NEBL: variants seen among roughly 807,000 people sequenced by gnomAD.
The protein encoded by NEBL is LIM and SH3 protein 2.
In NEBL, 122 loss-of-function variants were observed where a neutral mutation model predicts 140.2. The observed-to-expected ratio is 0.87, with a 90% CI of 0.75 to 1.01. The LOEUF (loss-of-function observed/expected upper bound fraction) is 1.01. NEBL is among the 50% of genes least tolerant of loss of function. The pLI is 0.00. For synonymous variants in NEBL, 436 were observed against 398.9 expected (o/e 1.09, Z -1.11); for missense variants, 1,365 against 1,231.3 (o/e 1.11, Z -1.62).
chr10:20,816,736 G>A (rs190603397), intron 21 of NEBL, among the ~76,000 whole-genome samples: 4 of 152,284 alleles, frequency 2.6e-5, no homozygotes, highest in African/African-American at 4.8e-5. Flanking sequence ...AACTGCATCC[G>A]TGAATTATTT....
intron 2 of NEBL, among the ~76,000 whole-genome samples, chr10:20,893,581 G>T (rs1314843324): frequency 2.0e-5 from 3 of 152,120 alleles, no homozygotes; most frequent in Non-Finnish European, 4.4e-5. Context: ...CTGAAAAACG[G>T]ACATTTCTCT....
intron 1 of NEBL, among the ~76,000 whole-genome samples, chr10:21,263,618 C>G (rs1842765719): frequency 6.6e-6 from 1 of 152,214 alleles, no homozygotes; most frequent in Non-Finnish European, 1.5e-5. Context: ...AAATTAAACT[C>G]TAAGCTAAAT....
At chr10:20,943,643 C>T (rs1437898556) in intron 4 of NEBL, among the ~76,000 whole-genome samples, 1 of 152,048 alleles carries the variant, frequency 6.6e-6, no homozygotes, top group Non-Finnish European at 1.5e-5. Flanking sequence ...ATCCATATAG[C>T]ATAGGAAGTT....
chr10:21,099,278 T>C (rs1385780686), intron 2 of NEBL, among the ~76,000 whole-genome samples: 3 of 152,222 alleles, frequency 2.0e-5, no homozygotes, highest in African/African-American at 4.8e-5. Context: ...TTTCTTCTTC[T>C]ATAACCTCAC....
chr10:21,163,575 C>G (rs1840640847), intron 2 of NEBL, among the ~76,000 whole-genome samples: 1 of 152,202 alleles, frequency 6.6e-6, no homozygotes, highest in Non-Finnish European at 1.5e-5. Flanking sequence ...CGCTCCACAT[C>G]CCAGATCTAT....
At chr10:21,097,708 G>C (rs745662259) in intron 2 of NEBL, among the ~76,000 whole-genome samples, 5 of 152,090 alleles carry the variant, frequency 3.3e-5, no homozygotes, top group African/African-American at 9.7e-5. Flanking sequence ...GATAAGTCTC[G>C]GTCAATTTCT....
intron 3 of NEBL, among the ~76,000 whole-genome samples, chr10:21,190,230 A>C (rs1841549738): frequency 2.0e-5 from 3 of 152,218 alleles, no homozygotes; most frequent in South Asian, 4.1e-4. Context: ...CTGTAATCCC[A>C]ATGCTTTGAG....
At chr10:20,980,679 A>G (rs1178239509) in intron 3 of NEBL, among the ~76,000 whole-genome samples, 1 of 152,186 alleles carries the variant, frequency 6.6e-6, no homozygotes, top group Non-Finnish European at 1.5e-5. Context: ...CACATCTGCC[A>G]TTCCCTCCCC....
chr10:21,215,485 T>C (rs1225547189), intron 3 of NEBL, among the ~76,000 whole-genome samples: 1 of 152,158 alleles, frequency 6.6e-6, no homozygotes, highest in Admixed American at 6.5e-5. Flanking sequence ...ATGCAAAATG[T>C]AGCACAAAAG....
intron 3 of NEBL, among the ~76,000 whole-genome samples, chr10:20,969,010 T>C (rs964535108): frequency 1.3e-5 from 2 of 152,212 alleles, no homozygotes; most frequent in African/African-American, 4.8e-5. Context: ...CTTTGTTTGG[T>C]GCTAAGCAGG....
In NEBL at chr10:21,203,897, C is replaced by G. The variant is rs909436658; in HGVS notation, n.349-31420G>C. 2.6e-5 allele frequency among the ~76,000 whole-genome samples: 4 copies of G among 152,144 alleles called. No individual in the cohort carries two copies. The East Asian group carries it at 7.7e-4, about 29-fold the overall frequency. Reference sequence around the variant, plus strand: ...TATTGCCCACCCCTACCAGACCTGACTCAGAGCACAAGAAGCAGGGTCAGT... The same window carrying G: ...TATTGCCCACCCCTACCAGACCTGAGTCAGAGCACAAGAAGCAGGGTCAGT... On this transcript the variant is annotated intron_variant and non_coding_transcript_variant, in intron 3 of 8. Coordinates refer to the NEBL transcript ENST00000675702.
At chr10:21,024,146 C>T (rs996721998) in intron 2 of NEBL, among the ~76,000 whole-genome samples, 2 of 151,040 alleles carry the variant, frequency 1.3e-5, no homozygotes, top group African/African-American at 4.9e-5. Context: ...AAAGTGCAAA[C>T]TTACTAGCAT....
At chr10:21,164,657 C>A (rs1206861432) in intron 2 of NEBL, among the ~76,000 whole-genome samples, 1 of 152,034 alleles carries the variant, frequency 6.6e-6, no homozygotes, top group Non-Finnish European at 1.5e-5. Flanking sequence ...GACAGAGAAC[C>A]CAGAGTGTGG....
chr10:21,151,219 G>A (rs997511019), intron 2 of NEBL, among the ~76,000 whole-genome samples: 2 of 152,090 alleles, frequency 1.3e-5, no homozygotes, highest in Admixed American at 1.3e-4. Context: ...ATATAGCAAC[G>A]CACACCATGT....
chr10:21,041,611 G>T (rs1193636374), intron 2 of NEBL, among the ~76,000 whole-genome samples: 1 of 152,088 alleles, frequency 6.6e-6, no homozygotes. Context: ...AGGATAGTTA[G>T]ATATACAGCT....
At chr10:21,223,393 T>A (rs1419247584) in intron 3 of NEBL, among the ~76,000 whole-genome samples, 1 of 152,232 alleles carries the variant, frequency 6.6e-6, no homozygotes, top group African/African-American at 2.4e-5. Context: ...TTCTTTTCTA[T>A]GGCTGAATAG....
At chr10:21,212,396 A>G (rs1023969275) in intron 3 of NEBL, among the ~76,000 whole-genome samples, 8 of 152,194 alleles carry the variant, frequency 5.3e-5, no homozygotes, top group Non-Finnish European at 1.2e-4. Flanking sequence ...CCTTGCAAAG[A>G]TTTCGAACAC....
chr10:21,113,681 T>C (rs1016121051), intron 2 of NEBL, among the ~76,000 whole-genome samples: 7 of 152,092 alleles, frequency 4.6e-5, no homozygotes, highest in African/African-American at 1.7e-4. Context: ...TTTGTAAAAA[T>C]GGAACTCCTC....
At position 20,815,625 on chromosome 10, in the gene NEBL, C is replaced by T. The variant is rs377702958; in HGVS notation, c.2241G>A (p.Ser747=). 27 of 1,601,018 alleles carry T rather than the reference C, an allele frequency of 1.7e-5. No individual in the cohort carries two copies. The highest frequency in any genetic ancestry group is 1.7e-4 in the Middle Eastern group (1 of 6,044). ...RVKKNQENIS[S]VKYTQDHKQM... ...GTCTAAAATGAAGAAAACCACTTGC[C>T]GAGCTAATATTTTCTTGATTCTTCT... The change falls in exon 22 of 28, where the codon TCG becomes TCA. Residue 747 remains serine (S), a splice_region_variant and synonymous_variant. Coordinates refer to ENST00000377122, the MANE Select transcript of NEBL (RefSeq NM_006393.3).
Sources: allele counts gnomAD v4.1 joint callset (sites outside exome capture counted in the v4.1 genomes callset), GRCh38; gene constraint gnomAD v4.1.1; transcripts MANE v1.5; gene names NCBI Gene and HGNC (gene_info 2026-07-23, HGNC 2026-07-21).